The following AGBL4 variants were observed in gnomAD, a reference collection of about 807,000 sequenced individuals.
The protein encoded by AGBL4 is cytosolic carboxypeptidase 6.
In AGBL4, 58 loss-of-function variants were observed where a neutral mutation model predicts 66.4. The observed-to-expected ratio is 0.87, with a 90% CI of 0.71 to 1.09. AGBL4 has a LOEUF of 1.09. Ranked by LOEUF, AGBL4 falls within the 50% of genes least tolerant of loss-of-function variation. The pLI, the probability that AGBL4 is intolerant of heterozygous loss-of-function variation, is 0.00. For missense variants in AGBL4, 579 were observed against 631.0 expected (o/e 0.92, Z 0.88); for synonymous variants, 234 against 222.9 (o/e 1.05, Z -0.44).
chr1:49,482,506 A>G (rs1380804334), intron 3 of AGBL4, among the ~76,000 whole-genome samples: 2 of 151,698 alleles, frequency 1.3e-5, no homozygotes, highest in Non-Finnish European at 2.9e-5. Context: ...TTGTTTTTAT[A>G]TAAATCTTCT....
intron 4 of AGBL4, among the ~76,000 whole-genome samples, chr1:49,051,048 A>T (rs561150234): frequency 3.3e-5 from 5 of 152,206 alleles, no homozygotes; most frequent in African/African-American, 1.2e-4. Flanking sequence ...AAACAGCAGC[A>T]TTCTCTGGTC....
intron 3 of AGBL4, among the ~76,000 whole-genome samples, chr1:49,679,188 A>C (rs1646641050): frequency 6.6e-6 from 1 of 152,070 alleles, no homozygotes; most frequent in Admixed American, 6.6e-5. Flanking sequence ...CAGTTTTATT[A>C]GTTTTTGCTT....
In AGBL4 at chr1:49,518,723, G is replaced by A. The variant is rs372522526; in HGVS notation, c.282+178590C>T. Reference sequence around the variant, plus strand: ...ATACTATAAAGGAATGTAAAACTATGAGGAATTTTGTCATTCTCATGATTA... The same window carrying A: ...ATACTATAAAGGAATGTAAAACTATAAGGAATTTTGTCATTCTCATGATTA... On this transcript the variant is annotated intron_variant, in intron 3 of 13. Transcript: ENST00000371839. Among the ~76,000 whole-genome samples, 290 of 152,160 alleles carry A rather than the reference G, an allele frequency of 1.9e-3. 3 individuals carry two copies. Among genetic ancestry groups the A allele is most frequent in the South Asian group, 1.0e-2 (48 of 4,818 alleles).
chr1:49,315,386 T>C (rs1055562859), intron 3 of AGBL4, among the ~76,000 whole-genome samples: 12 of 151,910 alleles, frequency 7.9e-5, no homozygotes, highest in African/African-American at 2.9e-4. Context: ...AAGCCAAAAT[T>C]GACAAATGGG....
At chr1:49,568,409 C>T (rs1352780054) in intron 3 of AGBL4, among the ~76,000 whole-genome samples, 3 of 150,776 alleles carry the variant, frequency 2.0e-5, no homozygotes, top group African/African-American at 7.3e-5. Flanking sequence ...GAATAAAATA[C>T]CTGGGAATAC....
chr1:48,624,385 C>T (rs935990099), intron 9 of AGBL4, among the ~76,000 whole-genome samples: 3 of 152,160 alleles, frequency 2.0e-5, no homozygotes, highest in African/African-American at 7.2e-5. Context: ...CATTGAGTGC[C>T]TACTAAGTGT....
chr1:48,593,598 A>C lies in AGBL4; in HGVS notation c.952-2613T>G, dbSNP rs142143990. ...AACCCCATCTCTACTAAAAATACAA[A>C]AAATTAGCTGGGCAGGGTGGTGGGT... On this transcript the variant is annotated intron_variant, in intron 9 of 13. Transcript: ENST00000371839. 2.0e-3 allele frequency among the ~76,000 whole-genome samples: 304 copies of C among 152,200 alleles called. 2 individuals carry two copies. Among genetic ancestry groups the C allele is most frequent in the East Asian group, 4.1e-3 (21 of 5,160 alleles).
chr1:48,802,770 T>C (rs1558005591), intron 6 of AGBL4, among the ~76,000 whole-genome samples: 1 of 152,188 alleles, frequency 6.6e-6, no homozygotes, highest in African/African-American at 2.4e-5. Flanking sequence ...CACCCTCCAT[T>C]ATAACACATG....
chr1:49,739,620 GA>G (rs1190747497), intron 2 of AGBL4, among the ~76,000 whole-genome samples: 1 of 151,900 alleles, frequency 6.6e-6, no homozygotes, highest in Non-Finnish European at 1.5e-5. Flanking sequence ...CACCAAAGTT[GA>G]AATGGAAAAA....
chr1:49,092,321 AAGAG>A (rs1445726257), intron 4 of AGBL4, among the ~76,000 whole-genome samples: 3 of 152,168 alleles, frequency 2.0e-5, no homozygotes, highest in Non-Finnish European at 4.4e-5. Flanking sequence ...TCAGGAAGAG[AAGAG>A]AGAAAGACTT....
At chr1:49,514,797 A>T (rs1218755345) in intron 3 of AGBL4, among the ~76,000 whole-genome samples, 1 of 152,032 alleles carries the variant, frequency 6.6e-6, no homozygotes, top group Non-Finnish European at 1.5e-5. Context: ...AACGATTCCC[A>T]ATTTAATAAA....
intron 3 of AGBL4, among the ~76,000 whole-genome samples, chr1:49,417,927 G>T (rs954786703): frequency 1.3e-5 from 2 of 152,080 alleles, no homozygotes; most frequent in African/African-American, 4.8e-5. Flanking sequence ...TGTATAATAT[G>T]GTCCACAGTA....
intron 5 of AGBL4, among the ~76,000 whole-genome samples, chr1:49,044,652 T>C (rs1017331598): frequency 6.6e-6 from 1 of 152,160 alleles, no homozygotes; most frequent in African/African-American, 2.4e-5. Flanking sequence ...TCTTGCTATA[T>C]GGAGATTAAC....
intron 1 of AGBL4, among the ~76,000 whole-genome samples, chr1:49,877,947 A>G (rs1323628603): frequency 6.6e-6 from 1 of 152,062 alleles, no homozygotes; most frequent in Non-Finnish European, 1.5e-5. Context: ...TTATTTGTGT[A>G]GAGGTGTTTG....
intron 3 of AGBL4, among the ~76,000 whole-genome samples, chr1:49,255,710 T>A (rs1349234309): frequency 6.6e-6 from 1 of 152,150 alleles, no homozygotes; most frequent in Non-Finnish European, 1.5e-5. Context: ...GACACATGCA[T>A]GCATGTGTTC....
intron 3 of AGBL4, among the ~76,000 whole-genome samples, chr1:49,585,111 G>A (rs1480889734): frequency 6.6e-6 from 1 of 152,136 alleles, no homozygotes; most frequent in Admixed American, 6.5e-5. Context: ...ACCTATTATA[G>A]TTAGAGTTAA....
chr1:48,762,005 G>A (rs1389609070), intron 6 of AGBL4, among the ~76,000 whole-genome samples: 3 of 152,134 alleles, frequency 2.0e-5, no homozygotes, highest in Non-Finnish European at 2.9e-5. Flanking sequence ...TAAGGCAGAC[G>A]GGAGAAGAAT....
At chr1:49,179,573 T>C (rs1043281289) in intron 4 of AGBL4, among the ~76,000 whole-genome samples, 1 of 151,812 alleles carries the variant, frequency 6.6e-6, no homozygotes, top group Non-Finnish European at 1.5e-5. Context: ...AAAGGAGCAA[T>C]ATTCAGAAGT....
At chr1:48,936,498 A>C (rs1489643601) in intron 5 of AGBL4, among the ~76,000 whole-genome samples, 1 of 152,182 alleles carries the variant, frequency 6.6e-6, no homozygotes, top group Non-Finnish European at 1.5e-5. Flanking sequence ...TTTGATTGGC[A>C]ACTGCAATGG....
Sources: allele counts gnomAD v4.1 joint callset (sites outside exome capture counted in the v4.1 genomes callset), GRCh38; gene constraint gnomAD v4.1.1; transcripts MANE v1.5; gene names NCBI Gene and HGNC (gene_info 2026-07-23, HGNC 2026-07-21).